The following XRCC4 variants were observed in gnomAD, a reference collection of about 807,000 sequenced individuals.
XRCC4 encodes DNA repair protein XRCC4.
XRCC4 carries 28 observed loss-of-function variants against 39.1 expected under a neutral mutation model. The ratio of observed to expected loss-of-function variants is 0.72; its 90% CI spans 0.53 to 0.98. The LOEUF (loss-of-function observed/expected upper bound fraction) is 0.98, where lower values mean the gene tolerates loss of function less well. Among genes scored for constraint, XRCC4 ranks in the 50% least tolerant of loss-of-function variants. The pLI, the probability that XRCC4 is intolerant of heterozygous loss-of-function variation, is 0.00. For missense variants in XRCC4, 350 were observed against 376.4 expected (o/e 0.93, Z 0.58); for synonymous variants, 123 against 126.4 (o/e 0.97, Z 0.18).
At chr5:83,252,680 TA>T (rs1753370422) in intron 6 of XRCC4, among the ~76,000 whole-genome samples, 1 of 152,186 alleles carries the variant, frequency 6.6e-6, no homozygotes, top group Admixed American at 6.5e-5. Flanking sequence ...TTGTGGTTTA[TA>T]TACATTTTCT....
At chr5:83,154,927 C>T (rs1355404791) in intron 3 of XRCC4, among the ~76,000 whole-genome samples, 1 of 152,118 alleles carries the variant, frequency 6.6e-6, no homozygotes, top group Admixed American at 6.5e-5. Flanking sequence ...TCTTTTATAT[C>T]CAACTACACT....
chr5:83,228,607 A>T (rs1269029373), intron 6 of XRCC4, among the ~76,000 whole-genome samples: 1 of 152,088 alleles, frequency 6.6e-6, no homozygotes, highest in Non-Finnish European at 1.5e-5. Context: ...GTCTCTAAAC[A>T]TTATTTTGAA....
intron 3 of XRCC4, among the ~76,000 whole-genome samples, chr5:83,159,134 A>C (rs1481905820): frequency 6.6e-6 from 1 of 152,212 alleles, no homozygotes; most frequent in African/African-American, 2.4e-5. Context: ...CATTGGTTTG[A>C]GGTAGTAAGA....
At chr5:83,275,584 C>T (rs377038659) in intron 7 of XRCC4, among the ~76,000 whole-genome samples, 7 of 152,226 alleles carry the variant, frequency 4.6e-5, no homozygotes, top group South Asian at 2.1e-4. Flanking sequence ...CGTGAGCCAC[C>T]GCGCCCGGCC....
intron 3 of XRCC4, among the ~76,000 whole-genome samples, chr5:83,112,040 TTAGA>T (rs1441642770): frequency 6.6e-6 from 1 of 152,190 alleles, no homozygotes; most frequent in Non-Finnish European, 1.5e-5. Context: ...ATTTCATTAA[TTAGA>T]TAAACATTTG....
intron 3 of XRCC4, among the ~76,000 whole-genome samples, chr5:83,150,397 A>T (rs1748647465): frequency 6.6e-6 from 1 of 152,204 alleles, no homozygotes; most frequent in South Asian, 2.1e-4. Context: ...TATTTGCTAG[A>T]TCACAGTTTG....
intron 1 of XRCC4, among the ~76,000 whole-genome samples, chr5:83,097,350 GTT>G (rs5869160): frequency 9.1e-5 from 13 of 142,774 alleles, no homozygotes; most frequent in South Asian, 2.2e-4. Context: ...TATAGGTTTT[GTT>G]TTTTTTTTTT....
At chr5:83,126,149 A>G (rs72767144) in intron 3 of XRCC4, among the ~76,000 whole-genome samples, 8 of 151,904 alleles carry the variant, frequency 5.3e-5, no homozygotes, top group Non-Finnish European at 1.2e-4. Flanking sequence ...GAGTTTATCA[A>G]CATGGTATGT....
intron 3 of XRCC4, among the ~76,000 whole-genome samples, chr5:83,173,543 A>G (rs1305069636): frequency 6.6e-6 from 1 of 152,162 alleles, no homozygotes; most frequent in Non-Finnish European, 1.5e-5. Flanking sequence ...GTCAAGTTAG[A>G]TTTTCTAAAA....
chr5:83,149,610 T>G (rs1344058283), intron 3 of XRCC4, among the ~76,000 whole-genome samples: 2 of 152,168 alleles, frequency 1.3e-5, no homozygotes, highest in Non-Finnish European at 2.9e-5. Flanking sequence ...TTTGAAATAT[T>G]TAGTTCAACT....
At chr5:83,149,247 G>A (rs892591907) in intron 3 of XRCC4, among the ~76,000 whole-genome samples, 12 of 152,064 alleles carry the variant, frequency 7.9e-5, no homozygotes, top group African/African-American at 2.2e-4. Flanking sequence ...TCTGCTGTTC[G>A]CAGAGCTTAC....
At chr5:83,344,514 C>G (rs1756864372) in intron 7 of XRCC4, among the ~76,000 whole-genome samples, 2 of 149,988 alleles carry the variant, frequency 1.3e-5, no homozygotes, top group Admixed American at 6.7e-5. Flanking sequence ...AAATGATCCT[C>G]CCGCCTCAGC....
Position 83,289,000 on chromosome 5 carries a change from TG to T in XRCC4, c.893+30324del, listed in dbSNP as rs534772106. On this transcript the variant is annotated intron_variant, in intron 7 of 7. Transcript: ENST00000396027. ...ATCTCTTTCAGTTTATATCATTTTT[TG>T]TTGACCTGTTTTTAAGCTTACTGAT... Among the ~76,000 whole-genome samples, 473 of 152,028 alleles carry T rather than the reference TG, an allele frequency of 3.1e-3. 3 individuals are homozygous for T. The highest frequency in any genetic ancestry group is 5.2e-3 in the Non-Finnish European group (353 of 67,868).
At chr5:83,356,929 GA>G (rs1033839135), downstream of XRCC4, among the ~76,000 whole-genome samples, 11 of 151,068 alleles carry the variant, frequency 7.3e-5, no homozygotes, top group African/African-American at 1.9e-4. Flanking sequence ...GTTAATGAAA[GA>G]AAAAAAAATC....
intron 1 of XRCC4, among the ~76,000 whole-genome samples, chr5:83,099,939 C>G (rs1419132268): frequency 6.6e-6 from 1 of 152,086 alleles, no homozygotes; most frequent in East Asian, 1.9e-4. Flanking sequence ...TCTTAAAAGA[C>G]ATTCCAAGTC....
At chr5:83,270,758 C>CA (rs1754112676) in intron 7 of XRCC4, among the ~76,000 whole-genome samples, 5 of 138,190 alleles carry the variant, frequency 3.6e-5, no homozygotes, top group African/African-American at 1.2e-4. Context: ...TTCATTTTTT[C>CA]GAAAAAAAAA....
At chr5:83,127,939 AGTTT>A (rs1220153847) in intron 3 of XRCC4, among the ~76,000 whole-genome samples, 11 of 141,706 alleles carry the variant, frequency 7.8e-5, no homozygotes, top group Non-Finnish European at 1.4e-4. Flanking sequence ...TAGTTTTGTT[AGTTT>A]GTTTGTTTGT....
intron 3 of XRCC4, among the ~76,000 whole-genome samples, chr5:83,140,511 C>CA (rs1233609922): frequency 6.6e-6 from 1 of 152,164 alleles, no homozygotes; most frequent in East Asian, 1.9e-4. Context: ...ACTCAGATGT[C>CA]AGTCTCTGGC....
rs1184763400 is a variant in XRCC4 at position 83,111,174 on chromosome 5, T to A, written c.286T>A (p.Phe96Ile). Reference protein sequence around the residue: ...FNFSKESCYFFFEKNLKDVSF... With the variant: ...FNFSKESCYFIFEKNLKDVSF... ...TTTTTCTAAAGAGTCTTGTTATTTC[T>A]TCTTTGAGAAAAACCTGAAAGATGT... Residue 96 changes from phenylalanine to isoleucine, a missense_variant, in exon 3 of 8, where the codon TTC becomes ATC. By Grantham distance (21) the Phe-to-Ile change is conservative. Transcript: ENST00000396027. The A allele has an allele frequency of 1.1e-5, 17 of 1,591,030 alleles. No homozygotes were observed. The highest frequency in any genetic ancestry group is 1.2e-5 in the Non-Finnish European group (14 of 1,172,832).
Sources: allele counts gnomAD v4.1 joint callset (sites outside exome capture counted in the v4.1 genomes callset), GRCh38; gene constraint gnomAD v4.1.1; transcripts MANE v1.5; gene names NCBI Gene and HGNC (gene_info 2026-07-23, HGNC 2026-07-21).